TULP4: variants seen among roughly 807,000 people sequenced by gnomAD.
TULP4 encodes tubby-related protein 4.
A neutral mutation model predicts 129.0 loss-of-function variants in TULP4; 16 were observed. That is an observed-to-expected ratio of 0.12 (90% CI 0.08 to 0.19). The LOEUF is 0.19. Among genes scored for constraint, TULP4 ranks in the 10% least tolerant of loss-of-function variants. TULP4 has a pLI of 1.00. For missense variants in TULP4, 1,842 were observed against 2,059.1 expected (o/e 0.89, Z 2.04); for synonymous variants, 998 against 854.0 (o/e 1.17, Z -2.94).
intron 1 of TULP4, among the ~76,000 whole-genome samples, chr6:158,381,447 G>A (rs1247536080): frequency 6.6e-6 from 1 of 152,206 alleles, no homozygotes; most frequent in Non-Finnish European, 1.5e-5. Flanking sequence ...GGCAGTTCAG[G>A]ACAGATTTTA....
chr6:158,273,791 AG>A (rs1454572973), intron 1 of TULP4, among the ~76,000 whole-genome samples: 1 of 152,238 alleles, frequency 6.6e-6, no homozygotes, highest in Non-Finnish European at 1.5e-5. Context: ...TAATAGTGAT[AG>A]CTAATATAGC....
chr6:158,481,052 C>T lies in TULP4; in HGVS notation c.1252-3C>T. 1 of 1,554,634 alleles carries T rather than the reference C, an allele frequency of 6.4e-7. No homozygotes were observed. On this transcript the variant is annotated splice_region_variant and splice_polypyrimidine_tract_variant and intron_variant, in intron 7 of 13. Coordinates refer to ENST00000367097, the MANE Select transcript of TULP4 (RefSeq NM_020245.5). Reference sequence around the variant, plus strand: ...CTCTTCATTTTCTTCCTGTATCCTCCAGCCCCCAATTCCAGATCCGAACAA... The same window carrying T: ...CTCTTCATTTTCTTCCTGTATCCTCTAGCCCCCAATTCCAGATCCGAACAA...
At position 158,461,743 on chromosome 6, in the gene TULP4, C is replaced by G. The variant is rs761593516; in HGVS notation, c.1026+14C>G. The G allele has an allele frequency of 1.2e-6, 2 of 1,610,378 alleles. No homozygotes were observed. Among genetic ancestry groups the G allele is most frequent in the Non-Finnish European group, 1.7e-6 (2 of 1,178,136 alleles). On this transcript the variant is annotated intron_variant, in intron 6 of 13. Coordinates refer to ENST00000367097, the MANE Select transcript of TULP4 (RefSeq NM_020245.5). The stretch of plus-strand genomic sequence containing the variant: ...ACTCTCGTGCAGGTAAGGATGTTCT[C>G]TGGAAACAAGTACATTTTCAGCAGT...
At chr6:158,436,595 A>G (rs2115082236) in intron 3 of TULP4, among the ~76,000 whole-genome samples, 1 of 152,350 alleles carries the variant, frequency 6.6e-6, no homozygotes, top group Non-Finnish European at 1.5e-5. Context: ...TTCACCTCAT[A>G]CATGTTTTTG....
Position 158,437,182 on chromosome 6 carries a change from A to G in TULP4, c.543+7285A>G, listed in dbSNP as rs1778771459. On this transcript the variant is annotated intron_variant, in intron 3 of 13. Coordinates refer to ENST00000367097, the MANE Select transcript of TULP4 (RefSeq NM_020245.5). ...TATTTGCTATTTGGAGCAGAGTGGA[A>G]TCAGGACTTGAGTAGTTAGTGTAAC... 2.6e-5 allele frequency among the ~76,000 whole-genome samples: 4 copies of G among 152,254 alleles called. No individual in the cohort carries two copies. In the South Asian group the frequency reaches 8.3e-4, roughly 31 times the overall value.
chr6:158,460,317 A>G (rs1779396265), intron 5 of TULP4, among the ~76,000 whole-genome samples: 1 of 152,210 alleles, frequency 6.6e-6, no homozygotes, highest in African/African-American at 2.4e-5. Flanking sequence ...TTCTAGCCCC[A>G]TCTCTGAAAT....
chr6:158,435,743 C>T (rs945448849), intron 3 of TULP4, among the ~76,000 whole-genome samples: 12 of 152,082 alleles, frequency 7.9e-5, no homozygotes, highest in African/African-American at 2.4e-4. Context: ...AGAGCAACTC[C>T]GGATAGACGT....
At chr6:158,488,880 A>G (rs911256169) in intron 8 of TULP4, among the ~76,000 whole-genome samples, 1 of 152,002 alleles carries the variant, frequency 6.6e-6, no homozygotes, top group African/African-American at 2.4e-5. Context: ...AATTCCAACG[A>G]AGAGGAACTT....
intron 13 of TULP4, 134 bp downstream of exon 13, chr6:158,504,312 G>A: frequency 2.7e-6 from 2 of 741,540 alleles, no homozygotes; most frequent in Non-Finnish European, 4.3e-6. Context: ...TGGAGCTCAT[G>A]GGGTTATGGT....
Position 158,501,886 on chromosome 6 carries a change from C to T in TULP4, c.2223C>T (p.Ala741=). 6.2e-7 allele frequency: 1 copy of T among 1,614,122 alleles called. No homozygotes were observed. The highest frequency in any genetic ancestry group is 8.5e-7 in the Non-Finnish European group (1 of 1,180,004). ...VGTAEHAGDS[A]TQYPVSNRYS... is the part of the protein sequence containing the mutation. ...CAGCAGAACATGCAGGTGACAGTGC[C>T]ACCCAGTACCCAGTCTCCAACCGGT... The change falls in exon 13 of 14, where the codon GCC becomes GCT. Residue 741 remains alanine, a synonymous_variant. Coordinates refer to ENST00000367097, the MANE Select transcript of TULP4 (RefSeq NM_020245.5).
At chr6:158,365,639 G>T (rs1780923678) in intron 1 of TULP4, among the ~76,000 whole-genome samples, 1 of 151,224 alleles carries the variant, frequency 6.6e-6, no homozygotes, top group South Asian at 2.1e-4. Context: ...ACCATGCCCA[G>T]CTAATTTTTT....
intron 3 of TULP4, among the ~76,000 whole-genome samples, chr6:158,437,435 C>G (rs1324762541): frequency 6.6e-6 from 1 of 152,144 alleles, no homozygotes; most frequent in Non-Finnish European, 1.5e-5. Context: ...GTGGCACATT[C>G]CAGTGGTCCC....
At chr6:158,429,984 CA>C in intron 3 of TULP4, 87 bp downstream of exon 3, 1 of 1,261,416 alleles carries the variant, frequency 7.9e-7, no homozygotes, top group East Asian at 2.6e-5. Context: ...GGAGCTGGTG[CA>C]AAAGCCTCTT....
chr6:158,376,013 A>C (rs540331177), intron 1 of TULP4, among the ~76,000 whole-genome samples: 2 of 152,194 alleles, frequency 1.3e-5, no homozygotes, highest in African/African-American at 4.8e-5. Flanking sequence ...AGGGAAGAGC[A>C]GGGGCATGAA....
chr6:158,441,450 C>G (rs1778896221), intron 3 of TULP4, among the ~76,000 whole-genome samples: 1 of 152,194 alleles, frequency 6.6e-6, no homozygotes, highest in Non-Finnish European at 1.5e-5. Context: ...ATCAATACCA[C>G]AGCATGATGA....
chr6:158,284,023 T>C (rs1327309944), intron 1 of TULP4, among the ~76,000 whole-genome samples: 1 of 152,144 alleles, frequency 6.6e-6, no homozygotes, highest in Non-Finnish European at 1.5e-5. Context: ...ACTCTCCTAC[T>C]CTAAGCCCTT....
intron 1 of TULP4, among the ~76,000 whole-genome samples, chr6:158,294,506 G>A (rs1246963859): frequency 6.6e-6 from 1 of 152,222 alleles, no homozygotes; most frequent in Non-Finnish European, 1.5e-5. Flanking sequence ...GAGGAAAAGG[G>A]ACAGAAAGCA....
chr6:158,331,726 C>CGTATATAT lies in TULP4; in HGVS notation c.252+17458_252+17459insGTATATAT, dbSNP rs1401289901. Among the ~76,000 whole-genome samples, 6 of 33,090 alleles carry CGTATATAT rather than the reference C, an allele frequency of 1.8e-4. 1 individual carries two copies. The highest frequency in any genetic ancestry group is 3.4e-4 in the African/African-American group (3 of 8,734). 21.7% of individuals were successfully genotyped at this position (33,090 alleles called of 152,430 possible). On this transcript the variant is annotated intron_variant, in intron 1 of 13. Coordinates refer to ENST00000367097, the MANE Select transcript of TULP4 (RefSeq NM_020245.5). ...ACACACACACACACACACACACACA[C>CGTATATAT]ACATACGTATATATATACGTGTATA...
intron 1 of TULP4, among the ~76,000 whole-genome samples, chr6:158,400,524 A>T (rs1777817766): frequency 1.3e-5 from 2 of 151,680 alleles, no homozygotes; most frequent in Admixed American, 1.3e-4. Context: ...TGATAATTTT[A>T]TTTTTTTGGC....
Sources: gnomAD v4.1 joint callset for allele counts (sites outside exome capture counted in the v4.1 genomes callset) on GRCh38, gnomAD v4.1.1 for gene constraint, MANE v1.5 for transcripts, NCBI Gene and HGNC (gene_info 2026-07-23, HGNC 2026-07-21) for gene names.